The following AOPEP variants were observed in gnomAD, a reference collection of about 807,000 sequenced individuals.
AOPEP encodes the protein aminopeptidase O.
AOPEP carries 77 observed loss-of-function variants against 98.1 expected under a neutral mutation model. The observed-to-expected ratio is 0.78, with a 90% CI of 0.65 to 0.95. The LOEUF is 0.95. Among genes scored for constraint, AOPEP ranks in the 40% least tolerant of loss-of-function variants. AOPEP has a pLI of 0.00. For synonymous variants in AOPEP, 346 were observed against 365.3 expected, an observed-to-expected ratio of 0.95 and a Z score of 0.60; for missense variants, 1,024 against 1,024.7, an observed-to-expected ratio of 1.00 and a Z score of 0.01.
intron 14 of AOPEP, among the ~76,000 whole-genome samples, chr9:95,071,819 G>A (rs1013403740): frequency 6.6e-6 from 1 of 152,102 alleles, no homozygotes; most frequent in African/African-American, 2.4e-5. Context: ...CCAGTATTGG[G>A]GTACTCTAAA....
chr9:94,971,225 G>T (rs1440799279), intron 10 of AOPEP, among the ~76,000 whole-genome samples: 1 of 152,024 alleles, frequency 6.6e-6, no homozygotes. Context: ...CTGTCTTAAT[G>T]GTGGCCCCCA....
At chr9:95,000,847 C>T (rs1041775972) in intron 11 of AOPEP, among the ~76,000 whole-genome samples, 1 of 152,060 alleles carries the variant, frequency 6.6e-6, no homozygotes, top group Non-Finnish European at 1.5e-5. Context: ...TTTAAATTCA[C>T]CCTGAACGTA....
chr9:95,146,451 G>A, the AOPEP span, among the ~76,000 whole-genome samples: 1 of 111,572 alleles, frequency 9.0e-6, no homozygotes, highest in African/African-American at 3.5e-5. Context: ...CTGCACCACT[G>A]CACTCCAGCC....
the AOPEP span, among the ~76,000 whole-genome samples, chr9:95,148,149 C>T: frequency 6.6e-6 from 1 of 152,184 alleles, no homozygotes; most frequent in South Asian, 2.1e-4. Flanking sequence ...ATATGAATGT[C>T]TGATGAAGCA....
chr9:94,992,911 G>A (rs748049052), intron 11 of AOPEP, among the ~76,000 whole-genome samples: 54 of 152,196 alleles, frequency 3.5e-4, no homozygotes, highest in Non-Finnish European at 7.2e-4. Context: ...TATTGGGAGA[G>A]TTTTTTAAAT....
chr9:95,079,931 C>T (rs925207643), intron 14 of AOPEP, among the ~76,000 whole-genome samples: 7 of 152,124 alleles, frequency 4.6e-5, no homozygotes, highest in African/African-American at 1.7e-4. Flanking sequence ...TTGCCTCTTT[C>T]GGGGAATTAG....
At chr9:94,858,474 CCA>C (rs1459669592) in intron 5 of AOPEP, among the ~76,000 whole-genome samples, 1 of 152,170 alleles carries the variant, frequency 6.6e-6, no homozygotes, top group Non-Finnish European at 1.5e-5. Flanking sequence ...GGCAGCAGGG[CCA>C]CACTCCCTCC....
At chr9:94,950,776 T>TG (rs1183550136) in intron 7 of AOPEP, among the ~76,000 whole-genome samples, 1 of 152,204 alleles carries the variant, frequency 6.6e-6, no homozygotes, top group Non-Finnish European at 1.5e-5. Context: ...TGCTGACTGC[T>TG]GGGAGTGTGA....
Position 94,951,577 on chromosome 9 carries a change from A to G in AOPEP, c.1662-3600A>G, listed in dbSNP as rs567938199. On this transcript the variant is annotated intron_variant, in intron 7 of 16. Coordinates refer to ENST00000375315, the MANE Select transcript of AOPEP (RefSeq NM_001193329.3). ...TGAGTACCTGGCACAGAGGATAACCAGGAAACGTTAGCTGTTAGTACTAGT... is the reference window on the plus strand; with the variant it reads ...TGAGTACCTGGCACAGAGGATAACCGGGAAACGTTAGCTGTTAGTACTAGT... Among the ~76,000 whole-genome samples the G allele has an allele frequency of 7.4e-4, 113 of 152,384 alleles. 1 individual carries two copies. Among genetic ancestry groups the G allele is most frequent in the African/African-American group, 2.6e-3 (109 of 41,592 alleles).
chr9:94,803,450 AT>A (rs1440159692), intron 5 of AOPEP, among the ~76,000 whole-genome samples: 3 of 152,196 alleles, frequency 2.0e-5, no homozygotes, highest in African/African-American at 7.2e-5. Flanking sequence ...TAATATAATG[AT>A]TTCACTATTT....
At chr9:94,735,455 C>T (rs7029032) in intron 1 of AOPEP, among the ~76,000 whole-genome samples, 1,667 of 152,232 alleles carry the variant, frequency 0.011, 35 homozygotes, top group African/African-American at 0.038. Flanking sequence ...CTCCCGACCT[C>T]GTGATCCACC....
At chr9:95,068,311 C>A (rs149386671) in intron 14 of AOPEP, among the ~76,000 whole-genome samples, 1 of 89,616 alleles carries the variant, frequency 1.1e-5, no homozygotes, top group South Asian at 4.9e-4. Flanking sequence ...AGTATGGGTT[C>A]GGCCTCCACC....
chr9:95,093,718 G>A, the AOPEP span, among the ~76,000 whole-genome samples: 1 of 152,094 alleles, frequency 6.6e-6, no homozygotes, highest in East Asian at 1.9e-4. Flanking sequence ...TACACGGAGG[G>A]TGGCACAGTG....
the AOPEP span, among the ~76,000 whole-genome samples, chr9:95,108,621 A>C: frequency 1.3e-5 from 2 of 152,230 alleles, no homozygotes; most frequent in Non-Finnish European, 2.9e-5. Context: ...AGAAAGATAA[A>C]AGCTTTCTTT....
intron 1 of AOPEP, among the ~76,000 whole-genome samples, chr9:94,747,208 T>G (rs1834705271): frequency 6.6e-6 from 1 of 152,226 alleles, no homozygotes; most frequent in Non-Finnish European, 1.5e-5. Flanking sequence ...ATTTACAGTT[T>G]GGCTTAAAGA....
intron 3 of AOPEP, among the ~76,000 whole-genome samples, chr9:94,773,628 G>T (rs867266700): frequency 6.6e-6 from 1 of 152,210 alleles, no homozygotes; most frequent in Non-Finnish European, 1.5e-5. Context: ...TGGTTTGCCT[G>T]TGTAAAGTTC....
At chr9:94,783,365 T>C (rs912320720) in intron 3 of AOPEP, among the ~76,000 whole-genome samples, 12 of 152,212 alleles carry the variant, frequency 7.9e-5, no homozygotes, top group African/African-American at 2.9e-4. Context: ...TGCAAAGTGG[T>C]GGCCTGACCT....
At chr9:95,150,074 G>T in the AOPEP span, 1 of 1,613,928 alleles carries the variant, frequency 6.2e-7, no homozygotes, top group Non-Finnish European at 8.5e-7. Flanking sequence ...GACGCCACTC[G>T]CTCGGGAGCC....
chr9:94,799,406 A>T (rs972508007), intron 4 of AOPEP, among the ~76,000 whole-genome samples: 17 of 150,940 alleles, frequency 1.1e-4, no homozygotes, highest in Non-Finnish European at 2.4e-4. Flanking sequence ...CATCTCTTAA[A>T]AAAAAAAAAA....
Sources: allele counts gnomAD v4.1 joint callset (sites outside exome capture counted in the v4.1 genomes callset), GRCh38; gene constraint gnomAD v4.1.1; transcripts MANE v1.5; gene names NCBI Gene and HGNC (gene_info 2026-07-23, HGNC 2026-07-21).